Variants in TRIM13 observed in about 807,000 individuals in gnomAD.
TRIM13 encodes the protein tripartite motif containing 13.
In TRIM13, 15 loss-of-function variants were observed where a neutral mutation model predicts 27.1. The observed-to-expected ratio is 0.55, with a 90% CI of 0.37 to 0.85. The LOEUF is 0.85. Ranked by LOEUF, TRIM13 falls within the 40% of genes least tolerant of loss-of-function variation. The pLI, the probability that TRIM13 is intolerant of heterozygous loss-of-function variation, is 0.00. For synonymous variants in TRIM13, 193 were observed against 171.5 expected, an observed-to-expected ratio of 1.13 and a Z score of -0.98; for missense variants, 402 against 472.2, an observed-to-expected ratio of 0.85 and a Z score of 1.38.
intron 1 of TRIM13, among the ~76,000 whole-genome samples, chr13:50,005,765 G>A (rs1284411198): frequency 6.8e-6 from 1 of 147,822 alleles, no homozygotes; most frequent in Non-Finnish European, 1.5e-5. Context: ...TTGTGATGGA[G>A]TTTCACTCTT....
chr13:50,003,359 G>GA (rs1172118462), intron 1 of TRIM13, among the ~76,000 whole-genome samples: 7 of 151,030 alleles, frequency 4.6e-5, no homozygotes, highest in South Asian at 2.1e-4. Context: ...AATGGGAAAT[G>GA]AAAAAAAACA....
Position 50,012,564 on chromosome 13 carries a change from A to G in TRIM13, c.624A>G (p.Lys208=), listed in dbSNP as rs1364751072. 6.2e-7 allele frequency: 1 copy of G among 1,614,146 alleles called. No homozygotes were observed. Among genetic ancestry groups the G allele is most frequent in the East Asian group, 2.2e-5 (1 of 44,880 alleles). ...NEILSDFETM[K]LAVMQAYDPE... ...TTCTGTCTGACTTTGAGACCATGAA[A>G]CTTGCTGTTATGCAAGCATATGACC... Residue 208 remains lysine, a synonymous_variant, in exon 2 of 2, where the codon AAA becomes AAG. Transcript: ENST00000378182.
intron 1 of TRIM13, among the ~76,000 whole-genome samples, chr13:50,004,590 C>T (rs1442934475): frequency 6.6e-6 from 1 of 152,036 alleles, no homozygotes; most frequent in Non-Finnish European, 1.5e-5. Context: ...TAATGAAACC[C>T]TGTCTCTACT....
intron 1 of TRIM13, among the ~76,000 whole-genome samples, chr13:49,999,327 T>G (rs1873724946): frequency 1.3e-5 from 2 of 152,048 alleles, no homozygotes; most frequent in South Asian, 4.1e-4. Context: ...TCCTCAAGCC[T>G]CTGTACAAAA....
chr13:50,010,801 C>T (rs189202063), intron 1 of TRIM13, among the ~76,000 whole-genome samples: 1 of 152,170 alleles, frequency 6.6e-6, no homozygotes, highest in Non-Finnish European at 1.5e-5. Flanking sequence ...GTCTGAATAG[C>T]CATAGTTTAT....
At position 50,012,441 on chromosome 13, in the gene TRIM13, T is replaced by C. The variant is rs2138417907; in HGVS notation, c.501T>C (p.Ser167=). 1 of 1,613,944 alleles carries C rather than the reference T, an allele frequency of 6.2e-7. No individual in the cohort carries two copies. Among genetic ancestry groups the C allele is most frequent in the South Asian group, 1.1e-5 (1 of 91,066 alleles). Residue 167 remains serine (S), a synonymous_variant, in exon 2 of 2, where the codon AGT becomes AGC. Coordinates refer to ENST00000378182, the MANE Select transcript of TRIM13 (RefSeq NM_213590.3). ...CTCGCTTGGATACCTTGGAAACTAG[T>C]AAGAGGAAATCCCTACAGTTACTGA... ...ALSRLDTLET[S]KRKSLQLLTK...
intron 1 of TRIM13, among the ~76,000 whole-genome samples, chr13:50,001,303 A>G (rs2138344403): frequency 6.6e-6 from 1 of 151,876 alleles, no homozygotes; most frequent in Non-Finnish European, 1.5e-5. Flanking sequence ...AAAAAAAAAA[A>G]AAAAAAGGCA....
chr13:49,999,739 G>A (rs1873792315), intron 1 of TRIM13, among the ~76,000 whole-genome samples: 1 of 152,052 alleles, frequency 6.6e-6, no homozygotes, highest in Non-Finnish European at 1.5e-5. Flanking sequence ...TCAAAAGCAG[G>A]TTCTGTGCTT....
chr13:50,012,752 A>C lies in TRIM13; in HGVS notation c.812A>C (p.Asn271Thr), dbSNP rs756254314. 2.5e-6 allele frequency: 4 copies of C among 1,613,932 alleles called. No individual in the cohort carries two copies. The highest frequency in any genetic ancestry group is 3.4e-6 in the Non-Finnish European group (4 of 1,180,016). The change falls in exon 2 of 2, where the codon AAT (asparagine) becomes ACT (threonine). Residue 271 changes from asparagine to threonine, a missense_variant. By Grantham distance (65) the Asn-to-Thr change is moderately conservative. This residue lies in a region of TRIM13 where 200 missense variants were observed against 194.7 expected (regional missense o/e 1.03). Coordinates refer to ENST00000378182, the MANE Select transcript of TRIM13 (RefSeq NM_213590.3). ...AAGGAAACTCCTTTACCTCCCTCTA[A>C]TTTGCCTGCAAGCCCTTTAATGAAG... is the stretch of plus-strand genomic sequence containing the variant. ...VIKETPLPPS[N>T]LPASPLMKNF...
chr13:50,006,731 G>A (rs1594570578), intron 1 of TRIM13, among the ~76,000 whole-genome samples: 1 of 152,040 alleles, frequency 6.6e-6, no homozygotes. Context: ...CTTTTCAGAG[G>A]TTATATGATT....
rs891740682 is a variant in TRIM13, at chr13:49,997,505, C to G, written c.-265C>G. The G allele has an allele frequency of 6.6e-6, 1 of 152,350 alleles. No homozygotes were observed. Among genetic ancestry groups the G allele is most frequent in the East Asian group, 1.9e-4 (1 of 5,172 alleles). The allele number at this position is 152,350 out of a possible 1,614,324, so 9.4% of individuals were successfully genotyped here. ...ATGGCGCCGGGGGAGGGCGCCCTAA[C>G]CGAGAAGCTGCTTAATACAAAGAGC... On this transcript the variant is annotated 5_prime_UTR_variant, in exon 1 of 2. Transcript: ENST00000378182.
At chr13:50,007,199 A>C (rs1177888792) in intron 1 of TRIM13, among the ~76,000 whole-genome samples, 23 of 147,846 alleles carry the variant, frequency 1.6e-4, no homozygotes, top group African/African-American at 4.0e-4. Flanking sequence ...AAAAAAACCC[A>C]AAAAAATAGG....
rs1400573432 is a variant in TRIM13 at position 50,012,376 on chromosome 13, T to G, written c.436T>G (p.Phe146Val). The change falls in exon 2 of 2, where the codon TTC becomes GTC. Residue 146 changes from phenylalanine (F) to valine (V), a missense_variant. Coordinates refer to ENST00000378182, the MANE Select transcript of TRIM13 (RefSeq NM_213590.3). ...GGAAAGGGATGCCTTTGAGTCCCTC[T>G]TCCAGAGCTTTGAGACCTGGCGTCG... Reference protein sequence around the residue: ...AQERDAFESLFQSFETWRRGD... With the variant: ...AQERDAFESLVQSFETWRRGD... The G allele has an allele frequency of 6.2e-7, 1 of 1,614,058 alleles. No homozygotes were observed. Among genetic ancestry groups the G allele is most frequent in the Non-Finnish European group, 8.5e-7 (1 of 1,180,016 alleles).
At position 50,015,271 on chromosome 13, in the gene TRIM13, T is replaced by C; in HGVS notation, c.*2107T>C. ...AGCTATTTAGTTCCTCATCTGTTGC[T>C]TTTTCATTTTGTATACTGCAAGTTC... is the stretch of plus-strand genomic sequence containing the variant. On this transcript the variant is annotated 3_prime_UTR_variant, in exon 2 of 2. Transcript: ENST00000378182. 1 of 432,914 alleles carries C rather than the reference T, an allele frequency of 2.3e-6. No individual in the cohort carries two copies. Among genetic ancestry groups the C allele is most frequent in the South Asian group, 6.2e-5 (1 of 16,148 alleles). The allele number at this position is 432,914 out of a possible 1,614,324, so 26.8% of individuals were successfully genotyped here.
intron 1 of TRIM13, among the ~76,000 whole-genome samples, chr13:50,007,159 G>C (rs1445782278): frequency 2.7e-5 from 4 of 149,918 alleles, no homozygotes; most frequent in Non-Finnish European, 4.4e-5. Context: ...CTCCAGCCTG[G>C]GTGACGAAGT....
intron 1 of TRIM13, among the ~76,000 whole-genome samples, chr13:50,006,651 T>TA (rs1006360969): frequency 6.6e-6 from 1 of 152,152 alleles, no homozygotes; most frequent in Admixed American, 6.5e-5. Flanking sequence ...TTGTGTGTCT[T>TA]ACAGCTGTGT....
Position 50,016,078 on chromosome 13 carries a change from T to C in TRIM13, c.*2914T>C, listed in dbSNP as rs1215017837. The C allele has an allele frequency of 6.2e-7, 1 of 1,605,736 alleles. No homozygotes were observed. Among genetic ancestry groups the C allele is most frequent in the Non-Finnish European group, 8.5e-7 (1 of 1,172,872 alleles). Reference sequence around the variant, plus strand: ...ATAACCAAACTGGAGTCAGGTATTTTGTACTTTGCAGTATTTCTCTTGTAT... The same window carrying C: ...ATAACCAAACTGGAGTCAGGTATTTCGTACTTTGCAGTATTTCTCTTGTAT... On this transcript the variant is annotated 3_prime_UTR_variant, in exon 2 of 2. Coordinates refer to ENST00000378182, the MANE Select transcript of TRIM13 (RefSeq NM_213590.3).
chr13:50,015,356 C>T lies in TRIM13; in HGVS notation c.*2192C>T. ...TACACTATTTACCTTACAGTAGTTT[C>T]CTGGGAATCTAAGTCTGGTTTTTGT... On this transcript the variant is annotated 3_prime_UTR_variant, in exon 2 of 2. Transcript: ENST00000378182. 1 of 689,380 alleles carries T rather than the reference C, an allele frequency of 1.5e-6. No individual in the cohort carries two copies. The highest frequency in any genetic ancestry group is 2.5e-6 in the Non-Finnish European group (1 of 399,214). The allele number at this position is 689,380 out of a possible 1,614,324, so 42.7% of individuals were successfully genotyped here.
chr13:50,009,755 A>C (rs1327045937), intron 1 of TRIM13, among the ~76,000 whole-genome samples: 1 of 146,516 alleles, frequency 6.8e-6, no homozygotes, highest in Non-Finnish European at 1.5e-5. Flanking sequence ...AAAAAAAAAA[A>C]AAACAACAAC....
Sources: allele counts gnomAD v4.1 joint callset (sites outside exome capture counted in the v4.1 genomes callset), GRCh38; gene constraint gnomAD v4.1.1; regional missense constraint gnomAD v4.1.1; transcripts MANE v1.5; gene names NCBI Gene and HGNC (gene_info 2026-07-23, HGNC 2026-07-21).